Variants in LRRC4C observed in about 807,000 individuals in gnomAD.
LRRC4C encodes the protein leucine rich repeat containing 4C.
A neutral mutation model predicts 33.6 loss-of-function variants in LRRC4C; 5 were observed. That is an observed-to-expected ratio of 0.15 (90% CI 0.08 to 0.31). The LOEUF (loss-of-function observed/expected upper bound fraction) is 0.31. LRRC4C is among the 10% of genes least tolerant of loss of function. The pLI is 1.00. For missense variants in LRRC4C, 560 were observed against 796.7 expected, an observed-to-expected ratio of 0.70 and a Z score of 3.58; for synonymous variants, 329 against 302.0, an observed-to-expected ratio of 1.09 and a Z score of -0.93.
chr11:40,239,981 C>T (rs1194632745), intron 5 of LRRC4C, among the ~76,000 whole-genome samples: 2 of 152,164 alleles, frequency 1.3e-5, no homozygotes, highest in Non-Finnish European at 2.9e-5. Flanking sequence ...TCAGAACGCA[C>T]CCCCAGACAA....
At chr11:41,411,142 A>ATTTTTTTTTTGTTTTTTT (rs1954464649) in intron 1 of LRRC4C, among the ~76,000 whole-genome samples, 1 of 57,240 alleles carries the variant, frequency 1.7e-5, no homozygotes, top group African/African-American at 1.2e-4. Context: ...TTGGTACCCT[A>ATTTTTTTTTTGTTTTTTT]TTTTTTTTTT....
At chr11:41,350,354 C>T (rs969581277) in intron 1 of LRRC4C, among the ~76,000 whole-genome samples, 10 of 151,732 alleles carry the variant, frequency 6.6e-5, no homozygotes, top group Non-Finnish European at 1.2e-4. Flanking sequence ...ACTAAAAACA[C>T]AAAAAATTAG....
chr11:40,206,573 G>A (rs564915155), intron 5 of LRRC4C, among the ~76,000 whole-genome samples: 2 of 152,220 alleles, frequency 1.3e-5, no homozygotes, highest in Admixed American at 6.5e-5. Flanking sequence ...TTAAGTAATT[G>A]TTCAATGCAG....
At chr11:41,317,164 C>T (rs964606720) in intron 1 of LRRC4C, among the ~76,000 whole-genome samples, 1 of 152,136 alleles carries the variant, frequency 6.6e-6, no homozygotes, top group East Asian at 1.9e-4. Context: ...TAGTCTAGAT[C>T]AGGTCAACCT....
intron 1 of LRRC4C, among the ~76,000 whole-genome samples, chr11:40,976,983 G>A (rs1005611015): frequency 1.3e-5 from 2 of 152,112 alleles, no homozygotes; most frequent in African/African-American, 4.8e-5. Context: ...TTGAATCAGT[G>A]TGAACCCTGA....
Position 41,454,870 on chromosome 11 carries a change from A to C in LRRC4C, c.-496+4561T>G, listed in dbSNP as rs1454407830. 2.0e-5 allele frequency among the ~76,000 whole-genome samples: 3 copies of C among 152,170 alleles called. No individual in the cohort carries two copies. In the East Asian group the frequency reaches 5.8e-4, roughly 29 times the overall value. On this transcript the variant is annotated intron_variant, in intron 1 of 6. Transcript: ENST00000528697. ...AGTATGGTCTTCCTATTCTTAAACT[A>C]GTTGAACAGGAATGAGAGAATATAT... is the stretch of plus-strand genomic sequence containing the variant.
chr11:40,902,430 T>G (rs1956248001), intron 2 of LRRC4C, among the ~76,000 whole-genome samples: 15 of 152,104 alleles, frequency 9.9e-5, no homozygotes, highest in Admixed American at 9.8e-4. Flanking sequence ...AATATTGAAA[T>G]TAGATCAACG....
chr11:41,083,064 G>T (rs968612731), intron 1 of LRRC4C, among the ~76,000 whole-genome samples: 3 of 151,996 alleles, frequency 2.0e-5, no homozygotes, highest in African/African-American at 7.2e-5. Context: ...TAATGTTAGG[G>T]CACCTTTATT....
chr11:41,023,712 T>C (rs1288913259), intron 1 of LRRC4C, among the ~76,000 whole-genome samples: 1 of 151,772 alleles, frequency 6.6e-6, no homozygotes, highest in Non-Finnish European at 1.5e-5. Context: ...ATAGTGAAGT[T>C]TTCCAAAGAT....
intron 1 of LRRC4C, among the ~76,000 whole-genome samples, chr11:41,368,720 A>G (rs1168082339): frequency 6.6e-6 from 1 of 152,222 alleles, no homozygotes; most frequent in Admixed American, 6.5e-5. Context: ...GGAGCAAAAA[A>G]GAGGAAAATA....
intron 1 of LRRC4C, among the ~76,000 whole-genome samples, chr11:41,172,119 G>A (rs1421416175): frequency 1.3e-5 from 2 of 152,118 alleles, no homozygotes; most frequent in African/African-American, 4.8e-5. Context: ...AACAAAGGGT[G>A]GCGGAGGGAG....
At chr11:40,876,092 G>A (rs375881061) in intron 2 of LRRC4C, among the ~76,000 whole-genome samples, 8 of 151,938 alleles carry the variant, frequency 5.3e-5, no homozygotes, top group Admixed American at 1.3e-4. Flanking sequence ...AGGATATTTC[G>A]TCTTGATTTT....
chr11:40,742,210 G>T (rs1948191614), intron 2 of LRRC4C, among the ~76,000 whole-genome samples: 1 of 151,894 alleles, frequency 6.6e-6, no homozygotes, highest in Non-Finnish European at 1.5e-5. Flanking sequence ...AGATGTCTTT[G>T]AGGCATCATT....
chr11:40,176,834 C>A (rs1025774851), intron 5 of LRRC4C, among the ~76,000 whole-genome samples: 4 of 151,884 alleles, frequency 2.6e-5, no homozygotes, highest in Non-Finnish European at 5.9e-5. Flanking sequence ...AGCCAATACA[C>A]CTGGTCCTCT....
intron 2 of LRRC4C, among the ~76,000 whole-genome samples, chr11:40,750,778 T>G (rs76997345): frequency 0.12 from 17,756 of 148,514 alleles, 1,450 homozygotes; most frequent in East Asian, 0.41. Context: ...GTTGTGCACA[T>G]GTACCCTAAA....
chr11:41,443,075 T>TA, intron 1 of LRRC4C, among the ~76,000 whole-genome samples: 2 of 148,624 alleles, frequency 1.3e-5, no homozygotes, highest in African/African-American at 2.5e-5. Flanking sequence ...TTTATTTATT[T>TA]TTATGTTTGC....
At chr11:40,516,028 T>C (rs1372834053) in intron 3 of LRRC4C, among the ~76,000 whole-genome samples, 1 of 152,056 alleles carries the variant, frequency 6.6e-6, no homozygotes, top group Non-Finnish European at 1.5e-5. Flanking sequence ...TATCCTCAGT[T>C]ACATGTGAAG....
At chr11:40,239,748 T>A (rs1264404541) in intron 5 of LRRC4C, among the ~76,000 whole-genome samples, 2 of 152,194 alleles carry the variant, frequency 1.3e-5, no homozygotes, top group Admixed American at 6.5e-5. Context: ...TTCTCAACAC[T>A]TAATAATAAA....
intron 5 of LRRC4C, among the ~76,000 whole-genome samples, chr11:40,144,791 T>G (rs1313155685): frequency 6.6e-6 from 1 of 152,214 alleles, no homozygotes; most frequent in Non-Finnish European, 1.5e-5. Context: ...AATCAAATAT[T>G]TGAAGCCGTA....
Sources: gnomAD v4.1 joint callset for allele counts (sites outside exome capture counted in the v4.1 genomes callset) on GRCh38, gnomAD v4.1.1 for gene constraint, MANE v1.5 for transcripts, NCBI Gene and HGNC (gene_info 2026-07-23, HGNC 2026-07-21) for gene names.